Variants in PPM1D observed in about 807,000 individuals in gnomAD.
The protein encoded by PPM1D is protein phosphatase 1D.
In PPM1D, 52 loss-of-function variants were observed where a neutral mutation model predicts 58.3. The observed-to-expected ratio is 0.89, with a 90% CI of 0.71 to 1.12. The LOEUF (loss-of-function observed/expected upper bound fraction) is 1.12. Ranked by LOEUF, PPM1D falls within the 50% of genes most tolerant of loss-of-function variation. The pLI, the probability that PPM1D is intolerant of heterozygous loss-of-function variation, is 0.00. For missense variants in PPM1D, 564 were observed against 777.2 expected (o/e 0.73, Z 3.26); for synonymous variants, 278 against 285.1 (o/e 0.98, Z 0.25).
chr17:60,611,730 A>G (rs1434736452), intron 1 of PPM1D, among the ~76,000 whole-genome samples: 1 of 152,082 alleles, frequency 6.6e-6, no homozygotes, highest in Non-Finnish European at 1.5e-5. Context: ...AAAATTCTTT[A>G]TGTATTTTGG....
chr17:60,622,214 T>C (rs1246382480), intron 1 of PPM1D, among the ~76,000 whole-genome samples: 1 of 151,898 alleles, frequency 6.6e-6, no homozygotes, highest in African/African-American at 2.4e-5. Context: ...GGAACACTCA[T>C]TTACTGTCTT....
At chr17:60,626,058 G>A (rs765647090) in intron 2 of PPM1D, among the ~76,000 whole-genome samples, 1 of 151,944 alleles carries the variant, frequency 6.6e-6, no homozygotes, top group South Asian at 2.1e-4. Flanking sequence ...ATGTACAGAT[G>A]TACCGTCATT....
rs201409592 is a variant in PPM1D at position 60,638,366 on chromosome 17, G to GA, written c.826+4394dup. 3.2e-4 allele frequency among the ~76,000 whole-genome samples: 49 copies of GA among 151,858 alleles called. No homozygotes were observed. The East Asian group carries it at 8.7e-3, about 27-fold the overall frequency. ...TTTCAAACCATTATTCTGACACTTG[G>GA]AAAAATTTTTTTTTTTTTATGAGAT... On this transcript the variant is annotated intron_variant, in intron 3 of 5. Coordinates refer to ENST00000305921, the MANE Select transcript of PPM1D (RefSeq NM_003620.4).
chr17:60,620,030 G>C (rs888230911), intron 1 of PPM1D, among the ~76,000 whole-genome samples: 2 of 150,152 alleles, frequency 1.3e-5, no homozygotes, highest in African/African-American at 5.0e-5. Context: ...ACAGAGTCTC[G>C]CCCTGTCGCC....
At chr17:60,619,011 G>A (rs1282085436) in intron 1 of PPM1D, among the ~76,000 whole-genome samples, 1 of 152,168 alleles carries the variant, frequency 6.6e-6, no homozygotes, top group Non-Finnish European at 1.5e-5. Flanking sequence ...ATAATGGGAA[G>A]TTTGTGCTGT....
In PPM1D at chr17:60,638,111, A is replaced by T. The variant is rs75861797; in HGVS notation, c.826+4134A>T. The stretch of plus-strand genomic sequence containing the variant: ...GGGAGGAATAAAATTTGATACAGCG[A>T]GTTTTTAGACAGTGTTTTTATAGAA... On this transcript the variant is annotated intron_variant, in intron 3 of 5. Coordinates refer to ENST00000305921, the MANE Select transcript of PPM1D (RefSeq NM_003620.4). Among the ~76,000 whole-genome samples, 239 of 152,320 alleles carry T rather than the reference A, an allele frequency of 1.6e-3. 1 individual carries two copies. The highest frequency in any genetic ancestry group is 5.6e-3 in the African/African-American group (232 of 41,586).
intron 5 of PPM1D, among the ~76,000 whole-genome samples, chr17:60,657,773 C>G (rs562204729): frequency 6.6e-6 from 1 of 152,094 alleles, no homozygotes; most frequent in Non-Finnish European, 1.5e-5. Flanking sequence ...GAGTTTCACT[C>G]TTGTTGCCCA....
chr17:60,616,697 C>G (rs1316433536), intron 1 of PPM1D, among the ~76,000 whole-genome samples: 1 of 152,076 alleles, frequency 6.6e-6, no homozygotes, highest in Non-Finnish European at 1.5e-5. Flanking sequence ...AGAAATAGAT[C>G]TAAGGCAAAA....
intron 1 of PPM1D, among the ~76,000 whole-genome samples, chr17:60,609,235 A>G (rs2030401750): frequency 6.6e-6 from 1 of 151,730 alleles, no homozygotes; most frequent in Non-Finnish European, 1.5e-5. Flanking sequence ...CTGGAATTAC[A>G]GGCGCGCACT....
intron 2 of PPM1D, among the ~76,000 whole-genome samples, chr17:60,627,524 C>T (rs895691542): frequency 3.3e-5 from 5 of 151,530 alleles, no homozygotes; most frequent in Non-Finnish European, 5.9e-5. Context: ...CAGGTTCAAG[C>T]GATTCTCCTG....
Position 60,651,401 on chromosome 17 carries a change from GT to G in PPM1D, c.1017+3334del, listed in dbSNP as rs1218606024. Among the ~76,000 whole-genome samples, 361 of 139,044 alleles carry G rather than the reference GT, an allele frequency of 2.6e-3. 1 individual carries two copies. Among genetic ancestry groups the G allele is most frequent in the African/African-American group, 6.7e-3 (255 of 38,092 alleles). 91.2% of individuals were successfully genotyped at this position (139,044 alleles called of 152,430 possible). ...CACAGTTCAATTAACAGTGTTTTTG[GT>G]TTTTTTTTTTTTTTGAGATGTAATC... On this transcript the variant is annotated intron_variant, in intron 4 of 5. Coordinates refer to ENST00000305921, the MANE Select transcript of PPM1D (RefSeq NM_003620.4).
At chr17:60,613,451 C>A (rs1364853544) in intron 1 of PPM1D, among the ~76,000 whole-genome samples, 2 of 152,272 alleles carry the variant, frequency 1.3e-5, no homozygotes, top group African/African-American at 4.8e-5. Flanking sequence ...TGAGAGTTGA[C>A]AGCGTGCTGG....
intron 2 of PPM1D, among the ~76,000 whole-genome samples, chr17:60,629,542 A>G (rs995110954): frequency 1.4e-4 from 22 of 152,220 alleles, no homozygotes; most frequent in African/African-American, 4.8e-4. Flanking sequence ...AGGTGAGAAT[A>G]TATCTGACAT....
intron 1 of PPM1D, among the ~76,000 whole-genome samples, chr17:60,613,890 G>GCACCCCC (rs1567965533): frequency 7.3e-6 from 1 of 137,368 alleles, no homozygotes; most frequent in African/African-American, 2.9e-5. Context: ...CATACCTGAG[G>GCACCCCC]CCCCCCCCCC....
chr17:60,656,954 C>T (rs2031452863), intron 5 of PPM1D, 113 bp downstream of exon 5: 1 of 1,591,304 alleles, frequency 6.3e-7, no homozygotes, highest in Non-Finnish European at 8.5e-7. Context: ...GAACTCGATT[C>T]AAGAAAGTGA....
chr17:60,617,251 C>A (rs868734465), intron 1 of PPM1D, among the ~76,000 whole-genome samples: 14 of 151,898 alleles, frequency 9.2e-5, no homozygotes, highest in Middle Eastern at 3.4e-3. Flanking sequence ...AGCCACTGTA[C>A]CCTGCCAAAT....
chr17:60,663,617 C>A lies in PPM1D; in HGVS notation c.*65C>A. ...TAAGAGGGCTTTTTAAATTTGGTGC[C>A]GATGTTGAACTTTTTTTAAGGGGAG... On this transcript the variant is annotated 3_prime_UTR_variant, in exon 6 of 6. Coordinates refer to ENST00000305921, the MANE Select transcript of PPM1D (RefSeq NM_003620.4). The A allele has an allele frequency of 6.7e-7, 1 of 1,488,296 alleles. No individual in the cohort carries two copies. Among genetic ancestry groups the A allele is most frequent in the Non-Finnish European group, 9.0e-7 (1 of 1,111,652 alleles). 92.2% of individuals were successfully genotyped at this position (1,488,296 alleles called of 1,614,324 possible). A position where few individuals can be genotyped will look rare whatever the true frequency, so the allele number is the denominator to read the frequency against.
intron 3 of PPM1D, among the ~76,000 whole-genome samples, chr17:60,647,456 ATAAT>A (rs1355430980): frequency 1.3e-5 from 2 of 152,224 alleles, no homozygotes; most frequent in Middle Eastern, 3.4e-3. Flanking sequence ...TTCTATTGTA[ATAAT>A]TTATTTTTGG....
intron 4 of PPM1D, among the ~76,000 whole-genome samples, chr17:60,651,048 A>G (rs1348195842): frequency 6.6e-6 from 1 of 152,164 alleles, no homozygotes; most frequent in East Asian, 1.9e-4. Flanking sequence ...ATATGCACTT[A>G]GAGAGACTCT....
Sources: gnomAD v4.1 joint callset for allele counts (sites outside exome capture counted in the v4.1 genomes callset) on GRCh38, gnomAD v4.1.1 for gene constraint, MANE v1.5 for transcripts, NCBI Gene and HGNC (gene_info 2026-07-23, HGNC 2026-07-21) for gene names.